The following TSPAN3 variants were observed in gnomAD, a reference collection of about 807,000 sequenced individuals.
The protein encoded by TSPAN3 is tetraspanin-3.
In TSPAN3, 9 loss-of-function variants were observed where a neutral mutation model predicts 31.1. The ratio of observed to expected loss-of-function variants is 0.29; its 90% CI spans 0.17 to 0.50. The LOEUF is 0.50. Ranked by LOEUF, TSPAN3 falls within the 20% of genes least tolerant of loss-of-function variation. The probability of loss-of-function intolerance (pLI) is 0.98; values close to 1 mark genes in which losing one functional copy is unlikely to be tolerated. For synonymous variants in TSPAN3, 129 were observed against 114.3 expected (o/e 1.13, Z -0.82); for missense variants, 252 against 313.5 (o/e 0.80, Z 1.48).
At chr15:77,048,376 C>T (rs753819327) in intron 6 of TSPAN3, among the ~76,000 whole-genome samples, 4 of 151,946 alleles carry the variant, frequency 2.6e-5, no homozygotes, top group Admixed American at 6.6e-5. Flanking sequence ...TTCCCACCCC[C>T]ACCTCCCCAC....
chr15:77,054,165 C>CA lies in TSPAN3; in HGVS notation c.432+12dup, dbSNP rs1392164628. 4 of 1,608,008 alleles carry CA rather than the reference C, an allele frequency of 2.5e-6. No homozygotes were observed. Among genetic ancestry groups the CA allele is most frequent in the Non-Finnish European group, 8.5e-7 (1 of 1,174,814 alleles). On this transcript the variant is annotated intron_variant, in intron 4 of 6. Coordinates refer to ENST00000267970, the MANE Select transcript of TSPAN3 (RefSeq NM_005724.6). ...TTGGTCCTCAAAAACAAATCTGCCT[C>CA]AAGAAAGCTCACCTGTCTCTGTACA... is the stretch of plus-strand genomic sequence containing the variant.
At chr15:77,063,796 A>T (rs2076814096) in intron 1 of TSPAN3, 1 of 152,246 alleles carries the variant, frequency 6.6e-6, no homozygotes, top group African/African-American at 2.4e-5. Context: ...ACCAATTGCC[A>T]TTGCCAAATT....
chr15:77,070,493 C>T (rs188171981), intron 1 of TSPAN3, among the ~76,000 whole-genome samples: 12 of 152,192 alleles, frequency 7.9e-5, no homozygotes, highest in East Asian at 1.9e-4. Context: ...ACAAAGAGCG[C>T]GGAACCTGAG....
At chr15:77,065,776 G>A (rs1361931683) in intron 1 of TSPAN3, among the ~76,000 whole-genome samples, 1 of 152,202 alleles carries the variant, frequency 6.6e-6, no homozygotes. Flanking sequence ...CAATTTATAT[G>A]TGTGAAGTAT....
intron 1 of TSPAN3, among the ~76,000 whole-genome samples, chr15:77,063,154 C>G (rs964158368): frequency 6.6e-6 from 1 of 152,162 alleles, no homozygotes; most frequent in Non-Finnish European, 1.5e-5. Flanking sequence ...ATTTTAGGCA[C>G]CTCTGCCAAT....
chr15:77,061,684 C>G (rs1036267550), intron 1 of TSPAN3, among the ~76,000 whole-genome samples: 2 of 152,110 alleles, frequency 1.3e-5, no homozygotes, highest in Admixed American at 6.5e-5. Context: ...AAAAGTATAC[C>G]TACATGGAGA....
rs1314371645 is a variant in TSPAN3 at position 77,044,694 on chromosome 15, C to G, written c.*2141G>C. 6.6e-6 allele frequency: 1 copy of G among 152,306 alleles called. No homozygotes were observed. Among genetic ancestry groups the G allele is most frequent in the Non-Finnish European group, 1.5e-5 (1 of 68,132 alleles). The allele number at this position is 152,306 out of a possible 1,614,324, so 9.4% of individuals were successfully genotyped here. ...GGCAAGTTGAAGAACAAGGCTACTG[C>G]TTGGCATATTTCCCAAAGCCATTTC... On this transcript the variant is annotated 3_prime_UTR_variant, in exon 7 of 7. Coordinates refer to ENST00000267970, the MANE Select transcript of TSPAN3 (RefSeq NM_005724.6).
At chr15:77,070,198 G>GA (rs1167425378) in intron 1 of TSPAN3, 1 of 152,144 alleles carries the variant, frequency 6.6e-6, no homozygotes, top group African/African-American at 2.4e-5. Context: ...ACCTTTTATT[G>GA]AAAGTGAACT....
intron 1 of TSPAN3, among the ~76,000 whole-genome samples, chr15:77,057,858 T>C (rs556568333): frequency 6.6e-6 from 1 of 152,194 alleles, no homozygotes; most frequent in Non-Finnish European, 1.5e-5. Context: ...CACATTTCCA[T>C]CTGCAAGTTC....
In TSPAN3 at chr15:77,044,177, G is replaced by GA. The variant is rs2076675857; in HGVS notation, c.*2657_*2658insT. ...CACCCTAGAGCACCTTAGATGCTCTGGGACCCAGGCATCTGTAGTTCTCAA... is the reference window on the plus strand; with the variant it reads ...CACCCTAGAGCACCTTAGATGCTCTGAGGACCCAGGCATCTGTAGTTCTCAA... On this transcript the variant is annotated 3_prime_UTR_variant, in exon 7 of 7. Coordinates refer to ENST00000267970, the MANE Select transcript of TSPAN3 (RefSeq NM_005724.6). 1 of 152,356 alleles carries GA rather than the reference G, an allele frequency of 6.6e-6. No homozygotes were observed. Among genetic ancestry groups the GA allele is most frequent in the East Asian group, 1.9e-4 (1 of 5,184 alleles). The allele number at this position is 152,356 out of a possible 1,614,324, so 9.4% of individuals were successfully genotyped here. A position where few individuals can be genotyped will look rare whatever the true frequency, so the allele number is the denominator to read the frequency against.
chr15:77,056,016 G>C (rs375851256), intron 2 of TSPAN3, 48 bp downstream of exon 2: 262 of 1,554,872 alleles, frequency 1.7e-4, no homozygotes, highest in Non-Finnish European at 2.2e-4. Flanking sequence ...TGTTCAAGGA[G>C]AGTAGCATAG....
chr15:77,062,888 G>GA (rs2076808607), intron 1 of TSPAN3, among the ~76,000 whole-genome samples: 2 of 152,092 alleles, frequency 1.3e-5, no homozygotes, highest in African/African-American at 4.8e-5. Flanking sequence ...TGTGATAGGG[G>GA]AAAAAACACA....
At chr15:77,064,078 AG>A (rs1398507447) in intron 1 of TSPAN3, 4 of 152,258 alleles carry the variant, frequency 2.6e-5, no homozygotes, top group Non-Finnish European at 5.9e-5. Flanking sequence ...CCCCTTTAGT[AG>A]ATTACAAACT....
At chr15:77,054,356 T>G in intron 3 of TSPAN3, 77 bp from the exon 4 acceptor site, 1 of 1,038,590 alleles carries the variant, frequency 9.6e-7, no homozygotes, top group Non-Finnish European at 1.5e-6. Flanking sequence ...ACTAAAATAC[T>G]TAAATGAAAT....
At position 77,070,918 on chromosome 15, in the gene TSPAN3, G is replaced by A. The variant is rs1432730634; in HGVS notation, c.37C>T (p.Leu13=). ...QCGITSSKTV[L]VFLNLIFWGA... ...CAGAAGATGAGGTTGAGAAAGACCA[G>A]CACGGTCTTGGAGGAGGTGATGCCG... Residue 13 remains leucine (L), a synonymous_variant, in exon 1 of 7, where the codon CTG becomes TTG. Coordinates refer to ENST00000267970, the MANE Select transcript of TSPAN3 (RefSeq NM_005724.6). The A allele has an allele frequency of 3.5e-6, 5 of 1,434,208 alleles. No individual in the cohort carries two copies. Among genetic ancestry groups the A allele is most frequent in the Middle Eastern group, 3.7e-4 (2 of 5,372 alleles). 88.8% of individuals were successfully genotyped at this position (1,434,208 alleles called of 1,614,324 possible).
At chr15:77,056,326 G>T (rs1026284291) in intron 1 of TSPAN3, 71 bp from the exon 2 acceptor site, 16 of 1,233,818 alleles carry the variant, frequency 1.3e-5, no homozygotes, top group Non-Finnish European at 5.5e-6. Context: ...GCTTAGTATG[G>T]TATAATTTAA....
At chr15:77,053,045 T>C (rs1249432175) in intron 4 of TSPAN3, 116 bp from the exon 5 acceptor site, 4 of 1,025,888 alleles carry the variant, frequency 3.9e-6, no homozygotes, top group Non-Finnish European at 4.2e-6. Flanking sequence ...TACAACTTTC[T>C]ATAATGGAAA....
intron 1 of TSPAN3, among the ~76,000 whole-genome samples, chr15:77,060,014 T>C (rs1036521374): frequency 6.6e-6 from 1 of 152,192 alleles, no homozygotes; most frequent in Non-Finnish European, 1.5e-5. Flanking sequence ...GACAACCAGA[T>C]GCACAACAAA....
chr15:77,054,735 T>C (rs2076756961), intron 3 of TSPAN3: 1 of 152,872 alleles, frequency 6.5e-6, no homozygotes, highest in African/African-American at 2.4e-5. Flanking sequence ...ATTCAACGTT[T>C]AGAGTTGGCT....
Sources: allele counts gnomAD v4.1 joint callset (sites outside exome capture counted in the v4.1 genomes callset), GRCh38; gene constraint gnomAD v4.1.1; transcripts MANE v1.5; gene names NCBI Gene and HGNC (gene_info 2026-07-23, HGNC 2026-07-21).